HNRNPC: variants seen among roughly 807,000 people sequenced by gnomAD.
HNRNPC encodes heterogeneous nuclear ribonucleoprotein C, also known as heterogeneous nuclear ribonucleoproteins C1/C2.
Under a neutral mutation model 33.2 loss-of-function variants are expected in HNRNPC, and 3 were observed. The ratio of observed to expected loss-of-function variants is 0.09; its 90% CI spans 0.04 to 0.23. The LOEUF (loss-of-function observed/expected upper bound fraction) is 0.23, where lower values mean the gene tolerates loss of function less well. HNRNPC is among the 10% of genes least tolerant of loss of function. HNRNPC has a pLI of 1.00. For synonymous variants in HNRNPC, 121 were observed against 126.7 expected, an observed-to-expected ratio of 0.96 and a Z score of 0.30; for missense variants, 143 against 366.7, an observed-to-expected ratio of 0.39 and a Z score of 4.98.
intron 5 of HNRNPC, among the ~76,000 whole-genome samples, chr14:21,229,627 C>T (rs765469396): frequency 1.5e-4 from 23 of 152,136 alleles, no homozygotes; most frequent in Non-Finnish European, 2.5e-4. Context: ...TGGTATTTAA[C>T]GGCTGACTTG....
chr14:21,267,983 T>C (rs1879301375), intron 1 of HNRNPC, among the ~76,000 whole-genome samples: 1 of 152,192 alleles, frequency 6.6e-6, no homozygotes, highest in African/African-American at 2.4e-5. Flanking sequence ...TGACCCTTAT[T>C]TTACTTCCTA....
At chr14:21,258,573 T>G (rs1877625142) in intron 2 of HNRNPC, among the ~76,000 whole-genome samples, 1 of 152,088 alleles carries the variant, frequency 6.6e-6, no homozygotes, top group Non-Finnish European at 1.5e-5. Context: ...AATAACAGTA[T>G]CTACTCCTAC....
At chr14:21,212,022 T>C in intron 6 of HNRNPC, 99 bp from the exon 7 acceptor site, 2 of 903,800 alleles carry the variant, frequency 2.2e-6, no homozygotes, top group Non-Finnish European at 1.8e-6. Flanking sequence ...TCACAGGAGA[T>C]ACCCAGGGAG....
chr14:21,240,861 CTG>C (rs1334134868), intron 2 of HNRNPC, among the ~76,000 whole-genome samples: 1 of 152,152 alleles, frequency 6.6e-6, no homozygotes, highest in Non-Finnish European at 1.5e-5. Context: ...ATTAAACATG[CTG>C]TCACTTTCAC....
intron 2 of HNRNPC, among the ~76,000 whole-genome samples, chr14:21,253,526 A>C (rs1896896592): frequency 6.6e-6 from 1 of 151,644 alleles, no homozygotes; most frequent in Non-Finnish European, 1.5e-5. Context: ...AACAAAAATT[A>C]CATGTGAATC....
chr14:21,252,744 A>G (rs1896807691), intron 2 of HNRNPC, among the ~76,000 whole-genome samples: 1 of 152,202 alleles, frequency 6.6e-6, no homozygotes, highest in South Asian at 2.1e-4. Flanking sequence ...AATTTGCTTC[A>G]AAATAACATG....
intron 3 of HNRNPC, among the ~76,000 whole-genome samples, chr14:21,232,097 C>A (rs1393338818): frequency 6.6e-6 from 1 of 152,142 alleles, no homozygotes; most frequent in Admixed American, 6.5e-5. Context: ...AGGGAAACAA[C>A]CCTGGTTTTC....
chr14:21,267,550 A>G (rs534303445), intron 1 of HNRNPC, among the ~76,000 whole-genome samples: 9 of 108,026 alleles, frequency 8.3e-5, no homozygotes, highest in East Asian at 4.6e-4. Context: ...CATGAGGGGG[A>G]AAAAAAAGGT....
At chr14:21,240,214 G>A (rs1381966572) in intron 2 of HNRNPC, among the ~76,000 whole-genome samples, 3 of 151,962 alleles carry the variant, frequency 2.0e-5, no homozygotes, top group African/African-American at 7.3e-5. Flanking sequence ...GCCTCTACTC[G>A]CACTCTCACC....
At chr14:21,244,245 G>A (rs979293306) in intron 2 of HNRNPC, among the ~76,000 whole-genome samples, 3 of 152,070 alleles carry the variant, frequency 2.0e-5, no homozygotes, top group Non-Finnish European at 2.9e-5. Flanking sequence ...GTGATCCGCC[G>A]ACCTCCACGT....
At position 21,243,216 on chromosome 14, in the gene HNRNPC, T is replaced by C. The variant is rs139834399; in HGVS notation, c.-36-8987A>G. ...CAATTGTTTAATTACTGAATTGATG[T>C]TCATTATTCTTTTGATAATATTTTG... On this transcript the variant is annotated intron_variant, in intron 2 of 8. Transcript: ENST00000553300. 8.5e-5 allele frequency among the ~76,000 whole-genome samples: 13 copies of C among 152,196 alleles called. No individual in the cohort carries two copies. In the East Asian group the frequency reaches 1.7e-3, roughly 20 times the overall value.
chr14:21,239,691 T>C (rs891940526), intron 2 of HNRNPC, among the ~76,000 whole-genome samples: 11 of 152,044 alleles, frequency 7.2e-5, no homozygotes, highest in African/African-American at 1.7e-4. Context: ...CTGGGCAACA[T>C]GGTGTAACCC....
At chr14:21,259,653 A>G (rs1456526802) in intron 2 of HNRNPC, among the ~76,000 whole-genome samples, 1 of 152,082 alleles carries the variant, frequency 6.6e-6, no homozygotes, top group Non-Finnish European at 1.5e-5. Context: ...ATCCATCCTG[A>G]GATGCTCCTA....
chr14:21,256,771 G>C (rs1002291645), intron 2 of HNRNPC, among the ~76,000 whole-genome samples: 2 of 151,950 alleles, frequency 1.3e-5, no homozygotes, highest in Non-Finnish European at 2.9e-5. Context: ...TCTCATGCCT[G>C]TCTCTCAAGT....
In HNRNPC at chr14:21,269,346, GT is replaced by G. The variant is rs1165556372; in HGVS notation, c.-112del. ...TCGATTCTGAGTCTCCTACTCCCGG[GT>G]TCTGCGTAGAGAAGCCGACTGCTGC... is the stretch of plus-strand genomic sequence containing the variant. On this transcript the variant is annotated 5_prime_UTR_variant, in exon 1 of 9. Transcript: ENST00000553300. The G allele has an allele frequency of 6.5e-6, 1 of 154,044 alleles. No homozygotes were observed. Among genetic ancestry groups the G allele is most frequent in the African/African-American group, 2.4e-5 (1 of 41,458 alleles). 9.5% of individuals were successfully genotyped at this position (154,044 alleles called of 1,614,324 possible). A position where few individuals can be genotyped will look rare whatever the true frequency, so the allele number is the denominator to read the frequency against.
chr14:21,257,435 A>G (rs947230564), intron 2 of HNRNPC, among the ~76,000 whole-genome samples: 1 of 152,130 alleles, frequency 6.6e-6, no homozygotes, highest in African/African-American at 2.4e-5. Flanking sequence ...TGGAACCAAC[A>G]GGTCAAGTGA....
In HNRNPC at chr14:21,255,357, TA is replaced by T. The variant is rs530503446; in HGVS notation, c.-37+7953del. Among the ~76,000 whole-genome samples, 36 of 151,510 alleles carry T rather than the reference TA, an allele frequency of 2.4e-4. 1 individual carries two copies. Among genetic ancestry groups the T allele is most frequent in the African/African-American group, 8.0e-4 (33 of 41,352 alleles). ...TCAGAATCAGATTAGGTAGAAATAA[TA>T]AAAAAAAAGTTCTCTAATTCACTCT... On this transcript the variant is annotated intron_variant, in intron 2 of 8. Transcript: ENST00000553300.
chr14:21,218,069 T>G (rs1321867536), intron 5 of HNRNPC, among the ~76,000 whole-genome samples: 1 of 152,180 alleles, frequency 6.6e-6, no homozygotes, highest in Non-Finnish European at 1.5e-5. Context: ...CTTTTCTTGT[T>G]TATATGCCTC....
chr14:21,257,494 C>T (rs1566643407), intron 2 of HNRNPC, among the ~76,000 whole-genome samples: 1 of 151,862 alleles, frequency 6.6e-6, no homozygotes, highest in East Asian at 1.9e-4. Flanking sequence ...CATCCGTCTC[C>T]GTGGTTCTTT....
Sources: gnomAD v4.1 joint callset for allele counts (sites outside exome capture counted in the v4.1 genomes callset) on GRCh38, gnomAD v4.1.1 for gene constraint, MANE v1.5 for transcripts, NCBI Gene and HGNC (gene_info 2026-07-23, HGNC 2026-07-21) for gene names.